ALK: variants seen among roughly 807,000 people sequenced by gnomAD.
The protein encoded by ALK is ALK receptor tyrosine kinase, also known as ALK tyrosine kinase receptor.
ALK carries 74 observed loss-of-function variants against 163.1 expected under a neutral mutation model. The observed-to-expected ratio is 0.45, with a 90% confidence interval of 0.38 to 0.55. The LOEUF is 0.55. Among genes scored for constraint, ALK ranks in the 20% least tolerant of loss-of-function variants. ALK has a pLI of 0.00. For missense variants in ALK, 2,063 were observed against 2,105.3 expected, an observed-to-expected ratio of 0.98 and a Z score of 0.39; for synonymous variants, 960 against 843.2, an observed-to-expected ratio of 1.14 and a Z score of -2.40.
At chr2:29,686,047 T>C (rs2148282658) in intron 3 of ALK, among the ~76,000 whole-genome samples, 1 of 152,338 alleles carries the variant, frequency 6.6e-6, no homozygotes, top group South Asian at 2.1e-4. Flanking sequence ...TTCCACTGGG[T>C]CAACCCAGAT....
intron 3 of ALK, among the ~76,000 whole-genome samples, chr2:29,676,707 T>C (rs1214976104): frequency 6.6e-6 from 1 of 152,046 alleles, no homozygotes; most frequent in African/African-American, 2.4e-5. Context: ...GCAATTACAT[T>C]AAGCTTATTG....
chr2:29,365,840 G>C (rs780831479), intron 5 of ALK, among the ~76,000 whole-genome samples: 1 of 152,114 alleles, frequency 6.6e-6, no homozygotes, highest in African/African-American at 2.4e-5. Flanking sequence ...TTTAGCTAGA[G>C]ACAGCTGGAC....
intron 3 of ALK, 33 bp from the exon 4 acceptor site, chr2:29,532,149 T>C: frequency 1.9e-6 from 3 of 1,601,166 alleles, no homozygotes; most frequent in Non-Finnish European, 2.6e-6. Context: ...AATCTGCAGA[T>C]GTGTTCAGGT....
intron 3 of ALK, among the ~76,000 whole-genome samples, chr2:29,570,080 G>C (rs975618037): frequency 1.3e-5 from 2 of 152,224 alleles, no homozygotes; most frequent in African/African-American, 4.8e-5. Context: ...TAACAACAGA[G>C]CCTCTGGGTA....
chr2:29,377,335 C>A (rs565545988), intron 5 of ALK, among the ~76,000 whole-genome samples: 1 of 151,998 alleles, frequency 6.6e-6, no homozygotes, highest in Non-Finnish European at 1.5e-5. Flanking sequence ...ATTAGCCAGG[C>A]GTGGTGGCTT....
intron 1 of ALK, among the ~76,000 whole-genome samples, chr2:29,777,177 A>C (rs1032642702): frequency 6.6e-6 from 1 of 152,240 alleles, no homozygotes; most frequent in East Asian, 1.9e-4. Flanking sequence ...TTAAAGCAAG[A>C]ATCAAAATAT....
intron 1 of ALK, among the ~76,000 whole-genome samples, chr2:29,832,586 T>C (rs1665449480): frequency 6.6e-6 from 1 of 152,248 alleles, no homozygotes; most frequent in Non-Finnish European, 1.5e-5. Context: ...TGCCCAGAGA[T>C]CTAAAGCTTC....
intron 5 of ALK, among the ~76,000 whole-genome samples, chr2:29,361,123 C>T (rs932613001): frequency 1.1e-4 from 16 of 152,192 alleles, no homozygotes; most frequent in African/African-American, 3.4e-4. Context: ...ACGAGCAGAT[C>T]GCCGACGCAG....
At chr2:29,389,287 C>T (rs926763059) in intron 4 of ALK, among the ~76,000 whole-genome samples, 7 of 152,056 alleles carry the variant, frequency 4.6e-5, no homozygotes, top group East Asian at 1.9e-4. Flanking sequence ...CTATTAAAGC[C>T]GAGGCCAAAG....
Position 29,666,498 on chromosome 2 carries a change from A to G in ALK, c.952+28352T>C, listed in dbSNP as rs549234771. Among the ~76,000 whole-genome samples, 5 of 152,244 alleles carry G rather than the reference A, an allele frequency of 3.3e-5. No homozygotes were observed. In the South Asian group the frequency reaches 1.0e-3, roughly 32 times the overall value. On this transcript the variant is annotated intron_variant, in intron 3 of 28. Coordinates refer to ENST00000389048, the MANE Select transcript of ALK (RefSeq NM_004304.5). ...TCTAAACCATTCTAGACCAGTACTC[A>G]TTACTCAGTGTCTCCCAAACAGGAG...
chr2:29,873,702 C>T (rs1333986031), intron 1 of ALK, among the ~76,000 whole-genome samples: 5 of 152,036 alleles, frequency 3.3e-5, no homozygotes, highest in Non-Finnish European at 7.4e-5. Context: ...GATGCCTCAT[C>T]GTGGCCTCTT....
chr2:29,902,354 T>C (rs1034879255), intron 1 of ALK, among the ~76,000 whole-genome samples: 1 of 152,242 alleles, frequency 6.6e-6, no homozygotes, highest in African/African-American at 2.4e-5. Context: ...GAAGTTTTTC[T>C]GAAGCCATCC....
At chr2:29,767,311 A>G (rs1680891344) in intron 1 of ALK, among the ~76,000 whole-genome samples, 1 of 152,224 alleles carries the variant, frequency 6.6e-6, no homozygotes, top group African/African-American at 2.4e-5. Context: ...AAGGCAGAGC[A>G]GGGATAAATG....
intron 8 of ALK, among the ~76,000 whole-genome samples, chr2:29,311,001 G>A (rs1186152826): frequency 2.6e-5 from 4 of 152,192 alleles, no homozygotes; most frequent in Non-Finnish European, 5.9e-5. Flanking sequence ...AAAATGCCTC[G>A]AGAACCACTG....
intron 3 of ALK, among the ~76,000 whole-genome samples, chr2:29,694,380 T>A (rs556695805): frequency 6.6e-6 from 1 of 152,330 alleles, no homozygotes; most frequent in South Asian, 2.1e-4. Context: ...GATCTGGCAG[T>A]AAAAATAAAC....
intron 5 of ALK, among the ~76,000 whole-genome samples, chr2:29,329,159 A>C (rs910492764): frequency 1.3e-5 from 2 of 152,160 alleles, no homozygotes; most frequent in Non-Finnish European, 1.5e-5. Flanking sequence ...AAATTCCTAG[A>C]TAATTAATTT....
intron 1 of ALK, among the ~76,000 whole-genome samples, chr2:29,757,017 T>TAG (rs1297832615): frequency 1.3e-5 from 2 of 152,018 alleles, no homozygotes; most frequent in African/African-American, 4.8e-5. Flanking sequence ...GAAAGGGGGC[T>TAG]AGAGAGAGAG....
chr2:29,310,043 C>T (rs1666655451), intron 8 of ALK, among the ~76,000 whole-genome samples: 1 of 152,188 alleles, frequency 6.6e-6, no homozygotes. Context: ...CAACCTCATG[C>T]AGCAACTAAA....
At chr2:29,526,031 C>T (rs138691121) in intron 4 of ALK, among the ~76,000 whole-genome samples, 6 of 152,250 alleles carry the variant, frequency 3.9e-5, no homozygotes, top group Non-Finnish European at 7.3e-5. Context: ...TCTTGGAGAA[C>T]ACAAGTGGTT....
Sources: allele counts gnomAD v4.1 joint callset (sites outside exome capture counted in the v4.1 genomes callset), GRCh38; gene constraint gnomAD v4.1.1; transcripts MANE v1.5; gene names NCBI Gene and HGNC (gene_info 2026-07-23, HGNC 2026-07-21).